ABCC11: variants seen among roughly 807,000 people sequenced by gnomAD.
ABCC11 encodes ATP binding cassette subfamily C member 11.
Under a neutral mutation model 149.3 loss-of-function variants are expected in ABCC11, and 135 were observed. The ratio of observed to expected loss-of-function variants is 0.90; its 90% CI spans 0.79 to 1.04. ABCC11 has a LOEUF of 1.04. Among genes scored for constraint, ABCC11 ranks in the 50% least tolerant of loss-of-function variants. The probability of loss-of-function intolerance (pLI) is 0.00; values close to 1 mark genes in which losing one functional copy is unlikely to be tolerated. For missense variants in ABCC11, 1,680 were observed against 1,722.1 expected (o/e 0.98, Z 0.43); for synonymous variants, 665 against 671.4 (o/e 0.99, Z 0.15).
rs1439586872 is a variant in ABCC11, at chr16:48,192,798, G to A, written c.2509-81C>T. 57 of 1,350,416 alleles carry A rather than the reference G, an allele frequency of 4.2e-5. 1 individual carries two copies. Among genetic ancestry groups the A allele is most frequent in the South Asian group, 2.1e-4 (17 of 81,366 alleles). 83.7% of individuals were successfully genotyped at this position (1,350,416 alleles called of 1,614,324 possible). A position where few individuals can be genotyped will look rare whatever the true frequency, so the allele number is the denominator to read the frequency against. Reference sequence around the variant, plus strand: ...GGGAAAGCCTTCTCCCTGGGGCCACGTGAGAATCTGTGGCTGGTAGAAGGT... The same window carrying A: ...GGGAAAGCCTTCTCCCTGGGGCCACATGAGAATCTGTGGCTGGTAGAAGGT... On this transcript the variant is annotated intron_variant, in intron 19 of 29. Coordinates refer to ENST00000356608, the MANE Select transcript of ABCC11 (RefSeq NM_001370497.1).
intron 1 of ABCC11, chr16:48,244,338 A>C: frequency 1.5e-6 from 2 of 1,347,012 alleles, no homozygotes; most frequent in South Asian, 2.9e-5. Context: ...GGCCGGGGGC[A>C]GCTGTCTGTC....
intron 4 of ABCC11, 21 bp downstream of exon 4, chr16:48,227,785 G>C (rs1567285696): frequency 6.2e-7 from 1 of 1,612,834 alleles, no homozygotes. Context: ...CTATCCACTG[G>C]TTTGCCCAGC....
chr16:48,212,531 C>G (rs1969013905), intron 10 of ABCC11, among the ~76,000 whole-genome samples: 1 of 152,176 alleles, frequency 6.6e-6, no homozygotes, highest in Admixed American at 6.5e-5. Context: ...ACCTGTGACC[C>G]AGGTTGGACA....
intron 17 of ABCC11, among the ~76,000 whole-genome samples, chr16:48,197,246 C>A (rs1228877591): frequency 6.6e-6 from 1 of 152,042 alleles, no homozygotes; most frequent in Non-Finnish European, 1.5e-5. Flanking sequence ...ATCTCTTGAA[C>A]CTGGGAGGCA....
chr16:48,181,501 T>C (rs922205071), intron 23 of ABCC11, among the ~76,000 whole-genome samples: 2 of 152,230 alleles, frequency 1.3e-5, no homozygotes, highest in South Asian at 4.1e-4. Flanking sequence ...TTGAAACTTT[T>C]ATCTCCCTTT....
At chr16:48,184,324 C>T (rs961727685) in intron 23 of ABCC11, 116 bp downstream of exon 23, 49 of 1,273,210 alleles carry the variant, frequency 3.8e-5, no homozygotes, top group African/African-American at 6.0e-5. Context: ...TAAGATCACA[C>T]GTGGCCAGAG....
At chr16:48,227,703 G>A (rs552659416) in intron 4 of ABCC11, 103 bp downstream of exon 4, 125 of 1,495,516 alleles carry the variant, frequency 8.4e-5, no homozygotes, top group East Asian at 4.6e-4. Flanking sequence ...GAGCCAAGTC[G>A]TCTGGCATGG....
chr16:48,168,688 A>T (rs1210353471), intron 28 of ABCC11, among the ~76,000 whole-genome samples: 2 of 152,230 alleles, frequency 1.3e-5, no homozygotes, highest in Non-Finnish European at 2.9e-5. Context: ...CCAAATTTTT[A>T]AAAATATGCA....
rs1385854330 is a variant in ABCC11 at position 48,221,952 on chromosome 16, T to C, written c.777+646A>G. Among the ~76,000 whole-genome samples the C allele has an allele frequency of 5.9e-5, 9 of 151,722 alleles. 1 individual carries two copies. ...TTTTTGAGACAGGCTGTCACTCTGT[T>C]TCCCAGGCTAGAGTGCAGTGGCGTG... On this transcript the variant is annotated intron_variant, in intron 6 of 29. Transcript: ENST00000356608.
At position 48,167,654 on chromosome 16, in the gene ABCC11, G is replaced by A. The variant is rs983711092; in HGVS notation, c.3898C>T (p.Leu1300Phe). 7 of 1,614,130 alleles carry A rather than the reference G, an allele frequency of 4.3e-6. No individual in the cohort carries two copies. The highest frequency in any genetic ancestry group is 5.9e-6 in the Non-Finnish European group (7 of 1,180,036). Residue 1300 changes from leucine to phenylalanine, a missense_variant, in exon 29 of 30, where the codon CTT becomes TTT. Physicochemically the swap from Leu to Phe is conservative, Grantham distance 22 (BLOSUM62 0). Coordinates refer to ENST00000356608, the MANE Select transcript of ABCC11 (RefSeq NM_001370497.1). ...ATGGAGGCTGTGGCTTCATCGATAA[G>A]GATGATCTGATGAATACAAAACAGG... ...RAVLRNSKII[L>F]IDEATASIDM...
At chr16:48,192,988 C>T (rs955655471) in intron 19 of ABCC11, among the ~76,000 whole-genome samples, 4 of 152,166 alleles carry the variant, frequency 2.6e-5, no homozygotes, top group South Asian at 2.1e-4. Flanking sequence ...AGCTTGGGAA[C>T]GTGATTTCCC....
downstream of ABCC11, chr16:48,165,754 G>C (rs1021803671): frequency 6.6e-6 from 1 of 152,216 alleles, no homozygotes; most frequent in Non-Finnish European, 1.5e-5. Context: ...CACCAGTGCA[G>C]GCAAGAGAGT....
chr16:48,210,186 T>C (rs1290486920), intron 11 of ABCC11: 1 of 152,216 alleles, frequency 6.6e-6, no homozygotes, highest in Non-Finnish European at 1.5e-5. Flanking sequence ...ATCAAAACCT[T>C]ATTTCATTTT....
At chr16:48,176,323 A>G (rs926236999) in intron 25 of ABCC11, among the ~76,000 whole-genome samples, 39 of 152,236 alleles carry the variant, frequency 2.6e-4, no homozygotes, top group Admixed American at 1.0e-3. Flanking sequence ...TAGTTTTTGA[A>G]CAATGCAAAG....
intron 1 of ABCC11, among the ~76,000 whole-genome samples, chr16:48,234,345 T>C (rs1970579431): frequency 6.6e-6 from 1 of 152,248 alleles, no homozygotes; most frequent in South Asian, 2.1e-4. Context: ...GTTTTTGATG[T>C]AATTTATTTA....
intron 19 of ABCC11, among the ~76,000 whole-genome samples, chr16:48,193,510 G>T (rs752639822): frequency 6.6e-6 from 1 of 152,196 alleles, no homozygotes; most frequent in African/African-American, 2.4e-5. Context: ...AGTGTGGCCC[G>T]TGGTGGCTCC....
Position 48,166,647 on chromosome 16 carries a change from G to C in ABCC11, c.*627C>G, listed in dbSNP as rs1965351837. ...TAACCTCAGCACTTTGGGAGGCCAA[G>C]GCAAGCGGATCACTTGAGATCAGCC... On this transcript the variant is annotated 3_prime_UTR_variant, in exon 30 of 30. Coordinates refer to ENST00000356608, the MANE Select transcript of ABCC11 (RefSeq NM_001370497.1). Among the ~76,000 whole-genome samples the C allele has an allele frequency of 6.6e-6, 1 of 152,182 alleles. No individual in the cohort carries two copies. The highest frequency in any genetic ancestry group is 2.1e-4 in the South Asian group (1 of 4,832).
chr16:48,246,198 G>C (rs1179218714), intron 1 of ABCC11, among the ~76,000 whole-genome samples: 4 of 151,880 alleles, frequency 2.6e-5, no homozygotes, highest in Admixed American at 1.3e-4. Flanking sequence ...TATTGTAAAA[G>C]CCTTGATTTT....
chr16:48,177,117 G>C lies in ABCC11; in HGVS notation c.3349-4C>G, dbSNP rs773337191. ...AAGGAGCTTCCGAGACACACATCTTGTTTTTGAAGAAAGAAAAAGAAATCA... is the reference window on the plus strand; with the variant it reads ...AAGGAGCTTCCGAGACACACATCTTCTTTTTGAAGAAAGAAAAAGAAATCA... On this transcript the variant is annotated splice_polypyrimidine_tract_variant and splice_region_variant and intron_variant, in intron 24 of 29. Transcript: ENST00000356608. 4.3e-6 allele frequency: 7 copies of C among 1,610,076 alleles called. No homozygotes were observed. Among genetic ancestry groups the C allele is most frequent in the Non-Finnish European group, 5.9e-6 (7 of 1,178,250 alleles).
Sources: allele counts gnomAD v4.1 joint callset (sites outside exome capture counted in the v4.1 genomes callset), GRCh38; gene constraint gnomAD v4.1.1; transcripts MANE v1.5; gene names NCBI Gene and HGNC (gene_info 2026-07-23, HGNC 2026-07-21).